PPP1R12C: variants seen among roughly 807,000 people sequenced by gnomAD.
PPP1R12C encodes the protein leukocyte receptor cluster (LRC) encoded novel gene 3.
In PPP1R12C, 48 loss-of-function variants were observed where a neutral mutation model predicts 95.6. That is an observed-to-expected ratio of 0.50 (90% CI 0.40 to 0.64). PPP1R12C has a LOEUF of 0.64. PPP1R12C is among the 30% of genes least tolerant of loss of function. The probability of loss-of-function intolerance (pLI) is 0.00; values close to 1 mark genes in which losing one functional copy is unlikely to be tolerated. For missense variants in PPP1R12C, 1,057 were observed against 1,083.3 expected (o/e 0.98, Z 0.34); for synonymous variants, 480 against 460.8 (o/e 1.04, Z -0.53).
chr19:55,098,076 C>T (rs1231467408), intron 6 of PPP1R12C, among the ~76,000 whole-genome samples: 1 of 152,214 alleles, frequency 6.6e-6, no homozygotes, highest in East Asian at 1.9e-4. Flanking sequence ...CTCCCCTGCC[C>T]ACGCACCAGA....
At chr19:55,099,117 G>A (rs759709331) in intron 4 of PPP1R12C, 22 bp from the exon 5 acceptor site, 12 of 1,504,812 alleles carry the variant, frequency 8.0e-6, no homozygotes, top group Non-Finnish European at 1.1e-5. Context: ...GGAGGCTCAG[G>A]GTCAGAGGCC....
chr19:55,098,696 G>A lies in PPP1R12C; in HGVS notation c.951+88C>T. On this transcript the variant is annotated intron_variant, in intron 6 of 21. Coordinates refer to ENST00000263433, the MANE Select transcript of PPP1R12C (RefSeq NM_017607.4). Reference sequence around the variant, plus strand: ...GTCGCTGGGGTGGTGGGTGTCAGAAGTCGGGGGGGTTCCCCCTCTGCACCC... The same window carrying A: ...GTCGCTGGGGTGGTGGGTGTCAGAAATCGGGGGGGTTCCCCCTCTGCACCC... The A allele has an allele frequency of 3.3e-6, 5 of 1,514,980 alleles. No individual in the cohort carries two copies. The South Asian group carries it at 5.8e-5, about 18-fold the overall frequency. 93.8% of individuals were successfully genotyped at this position (1,514,980 alleles called of 1,614,324 possible).
intron 4 of PPP1R12C, among the ~76,000 whole-genome samples, chr19:55,101,351 C>T (rs927052546): frequency 6.6e-6 from 1 of 152,212 alleles, no homozygotes; most frequent in African/African-American, 2.4e-5. Flanking sequence ...TTTCTAAGTC[C>T]AAAGTGCTTC....
chr19:55,096,702 G>T, intron 6 of PPP1R12C: 1 of 389,894 alleles, frequency 2.6e-6, no homozygotes, highest in Admixed American at 4.0e-5. Context: ...TCCTGCAGCC[G>T]GCACTCGCCT....
chr19:55,116,721 C>T (rs1203546189), intron 1 of PPP1R12C, among the ~76,000 whole-genome samples: 1 of 152,098 alleles, frequency 6.6e-6, no homozygotes, highest in East Asian at 1.9e-4. Context: ...AGGAGGGCAG[C>T]GCAAAGTGAC....
At chr19:55,094,950 G>C in intron 11 of PPP1R12C, 152 bp from the exon 12 acceptor site, 1 of 924,576 alleles carries the variant, frequency 1.1e-6, no homozygotes, top group Non-Finnish European at 1.7e-6. Context: ...GCCATGAAAA[G>C]ACCAGCACAC....
At chr19:55,099,136 GC>G (rs1182462399) in intron 4 of PPP1R12C, 41 bp from the exon 5 acceptor site, 1 of 1,467,014 alleles carries the variant, frequency 6.8e-7, no homozygotes, top group Non-Finnish European at 9.0e-7. Flanking sequence ...CCAAGGCGGG[GC>G]CCTTGGCCGA....
chr19:55,091,303 C>A lies in PPP1R12C; in HGVS notation c.*169G>T. On this transcript the variant is annotated 3_prime_UTR_variant, in exon 22 of 22. Transcript: ENST00000263433. ...CCACCTCCATCCTGGCCTCGGGTGG[C>A]CCCCTCGGCTCCTGGGGACTCTGCT... 1 of 714,570 alleles carries A rather than the reference C, an allele frequency of 1.4e-6. No homozygotes were observed. Among genetic ancestry groups the A allele is most frequent in the South Asian group, 1.9e-5 (1 of 53,062 alleles). 44.3% of individuals were successfully genotyped at this position (714,570 alleles called of 1,614,324 possible).
chr19:55,102,105 G>A (rs1489842478), intron 4 of PPP1R12C, among the ~76,000 whole-genome samples: 1 of 152,168 alleles, frequency 6.6e-6, no homozygotes, highest in African/African-American at 2.4e-5. Context: ...GCCTGAGGAT[G>A]AGAACTGGAA....
chr19:55,101,985 A>G (rs2084984655), intron 4 of PPP1R12C, among the ~76,000 whole-genome samples: 1 of 152,196 alleles, frequency 6.6e-6, no homozygotes, highest in African/African-American at 2.4e-5. Context: ...AACTGTCAAC[A>G]TAGAGATGAG....
intron 1 of PPP1R12C, 183 bp from the exon 2 acceptor site, chr19:55,112,978 C>T (rs1004058368): frequency 1.7e-5 from 13 of 786,170 alleles, no homozygotes; most frequent in African/African-American, 1.4e-4. Context: ...GTGGTCAGGC[C>T]GGCCAGGCCT....
chr19:55,114,194 C>T (rs1478825385), intron 1 of PPP1R12C: 1 of 161,660 alleles, frequency 6.2e-6, no homozygotes, highest in African/African-American at 2.4e-5. Context: ...GCCCCAGCCC[C>T]TCCTCCCTCG....
chr19:55,103,033 C>A (rs1179574452), intron 4 of PPP1R12C, among the ~76,000 whole-genome samples: 1 of 151,942 alleles, frequency 6.6e-6, no homozygotes, highest in Non-Finnish European at 1.5e-5. Flanking sequence ...GAAACCCCAT[C>A]TCTACAAAAA....
At chr19:55,099,375 G>A (rs2084957288) in intron 4 of PPP1R12C, among the ~76,000 whole-genome samples, 1 of 152,212 alleles carries the variant, frequency 6.6e-6, no homozygotes, top group African/African-American at 2.4e-5. Flanking sequence ...CCTGGCTGTG[G>A]GATTCCAAGG....
intron 6 of PPP1R12C, among the ~76,000 whole-genome samples, chr19:55,096,638 C>T (rs1286939053): frequency 6.6e-6 from 1 of 152,010 alleles, no homozygotes; most frequent in Non-Finnish European, 1.5e-5. Context: ...GCTTAGACCT[C>T]ACCCCGACCC....
rs1295798373 is a variant in PPP1R12C at position 55,094,646 on chromosome 19, C to T, written c.1592+15G>A. The T allele has an allele frequency of 1.9e-6, 3 of 1,573,648 alleles. No homozygotes were observed. Among genetic ancestry groups the T allele is most frequent in the Non-Finnish European group, 2.6e-6 (3 of 1,165,736 alleles). On this transcript the variant is annotated intron_variant, in intron 12 of 21. Coordinates refer to ENST00000263433, the MANE Select transcript of PPP1R12C (RefSeq NM_017607.4). The stretch of plus-strand genomic sequence containing the variant: ...TGGGGGCGGGGGCGGCAGCTTCCTG[C>T]CCTGGCCTCTTCACCTCCGTCGGTC...
At chr19:55,094,472 G>C (rs2084886228) in intron 12 of PPP1R12C, 37 bp from the exon 13 acceptor site, 1 of 1,611,674 alleles carries the variant, frequency 6.2e-7, no homozygotes, top group Non-Finnish European at 8.5e-7. Context: ...AGGGAACCTG[G>C]GGACCCTGTC....
chr19:55,097,576 C>A (rs544765493), intron 6 of PPP1R12C, among the ~76,000 whole-genome samples: 3 of 17,426 alleles, frequency 1.7e-4, no homozygotes, highest in African/African-American at 3.1e-4. Context: ...ACCGTCTTCA[C>A]CCCTTCCCCG....
At chr19:55,115,869 C>A (rs1323970278) in intron 1 of PPP1R12C, among the ~76,000 whole-genome samples, 1 of 152,168 alleles carries the variant, frequency 6.6e-6, no homozygotes, top group African/African-American at 2.4e-5. Context: ...GACACAGGAT[C>A]CCTGGAGGCA....
Sources: allele counts gnomAD v4.1 joint callset (sites outside exome capture counted in the v4.1 genomes callset), GRCh38; gene constraint gnomAD v4.1.1; transcripts MANE v1.5; gene names NCBI Gene and HGNC (gene_info 2026-07-23, HGNC 2026-07-21).